The following CSF1 variants were observed in gnomAD, a reference collection of about 807,000 sequenced individuals.
The protein encoded by CSF1 is colony stimulating factor 1.
CSF1 carries 9 observed loss-of-function variants against 48.9 expected under a neutral mutation model. The ratio of observed to expected loss-of-function variants is 0.18; its 90% CI spans 0.11 to 0.32. CSF1 has a LOEUF of 0.32. CSF1 is among the 10% of genes least tolerant of loss of function. CSF1 has a pLI of 1.00. For synonymous variants in CSF1, 305 were observed against 284.1 expected, an observed-to-expected ratio of 1.07 and a Z score of -0.74; for missense variants, 672 against 697.9, an observed-to-expected ratio of 0.96 and a Z score of 0.42.
At position 109,930,160 on chromosome 1, in the gene CSF1, A is replaced by G. The variant is rs1045909850; in HGVS notation, c.*1322A>G. The G allele has an allele frequency of 6.6e-6, 1 of 152,198 alleles. No individual in the cohort carries two copies. Among genetic ancestry groups the G allele is most frequent in the Non-Finnish European group, 1.5e-5 (1 of 68,082 alleles). The allele number at this position is 152,198 out of a possible 1,614,324, so 9.4% of individuals were successfully genotyped here. The stretch of plus-strand genomic sequence containing the variant: ...TGGGCTGCATCTCAGCCCCACCTGC[A>G]TGGTATCCAGCTCCCATCCACTTCT... On this transcript the variant is annotated 3_prime_UTR_variant, in exon 9 of 9. Coordinates refer to ENST00000329608, the MANE Select transcript of CSF1 (RefSeq NM_000757.6).
intron 8 of CSF1, among the ~76,000 whole-genome samples, chr1:109,925,633 C>G (rs573855100): frequency 2.4e-4 from 36 of 152,320 alleles, no homozygotes; most frequent in African/African-American, 7.7e-4. Flanking sequence ...CAGATCGCCA[C>G]CCCCGCACCA....
intron 3 of CSF1, 122 bp downstream of exon 3, chr1:109,915,818 T>G: frequency 1.2e-6 from 1 of 820,630 alleles, no homozygotes; most frequent in Non-Finnish European, 2.1e-6. Flanking sequence ...AGTGTGAGGA[T>G]CCATGGGTGC....
chr1:109,912,480 C>G lies in CSF1; in HGVS notation c.39+1418C>G, dbSNP rs116227994. On this transcript the variant is annotated intron_variant, in intron 1 of 8. Coordinates refer to ENST00000329608, the MANE Select transcript of CSF1 (RefSeq NM_000757.6). ...GATGCAAGCCAGAGTGTTAACCCCC[C>G]ACTGTCTGTCCAGATCCTCCTGAGG... is the stretch of plus-strand genomic sequence containing the variant. 1.2e-4 allele frequency among the ~76,000 whole-genome samples: 18 copies of G among 152,274 alleles called. 1 individual carries two copies. Among genetic ancestry groups the G allele is most frequent in the South Asian group, 6.2e-4 (3 of 4,826 alleles).
intron 1 of CSF1, among the ~76,000 whole-genome samples, chr1:109,914,021 A>G (rs1302048137): frequency 6.6e-6 from 1 of 152,214 alleles, no homozygotes; most frequent in African/African-American, 2.4e-5. Flanking sequence ...GGCTGGCTTA[A>G]TCTGGGAAGG....
chr1:109,921,707 C>A, intron 4 of CSF1, 140 bp from the exon 5 acceptor site: 1 of 1,085,686 alleles, frequency 9.2e-7, no homozygotes, highest in Non-Finnish European at 1.3e-6. Context: ...CATTCTGCTG[C>A]AAACCAGGGG....
chr1:109,925,083 ACGGAGT>A (rs776009922), intron 7 of CSF1, 58 bp from the exon 8 acceptor site: 3 of 1,456,546 alleles, frequency 2.1e-6, no homozygotes, highest in Non-Finnish European at 2.9e-6. Flanking sequence ...GGGTAAACTT[ACGGAGT>A]CCCCTTATTC....
At chr1:109,925,296 C>T in intron 8 of CSF1, 94 bp downstream of exon 8, 5 of 992,644 alleles carry the variant, frequency 5.0e-6, no homozygotes, top group Non-Finnish European at 8.0e-6. Flanking sequence ...CCCTGAGGCC[C>T]CCACACTGAC....
Position 109,914,353 on chromosome 1 carries a change from G to T in CSF1, c.134G>T (p.Ser45Ile). 1.2e-6 allele frequency: 2 copies of T among 1,606,284 alleles called. No individual in the cohort carries two copies. The highest frequency in any genetic ancestry group is 1.7e-6 in the Non-Finnish European group (2 of 1,176,224). ...VSEYCSHMIG[S>I]GHLQSLQRLI... is the part of the protein sequence containing the mutation. ...GAGTACTGTAGCCACATGATTGGGA[G>T]TGGACACCTGCAGTCTCTGCAGCGG... Residue 45 changes from serine (S) to isoleucine (I), a missense_variant, in exon 2 of 9, where the codon AGT becomes ATT. Ser to Ile is a moderately radical substitution (Grantham distance 142). Transcript: ENST00000329608.
intron 5 of CSF1, 150 bp from the exon 6 acceptor site, chr1:109,923,016 T>C: frequency 1.4e-6 from 1 of 690,084 alleles, no homozygotes; most frequent in East Asian, 2.8e-5. Context: ...TCTAGTCCCA[T>C]CCTCTTCTCA....
rs1647787210 is a variant in CSF1, at chr1:109,925,165, C to T, written c.1641C>T (p.Asp547=). 4.3e-6 allele frequency: 7 copies of T among 1,613,858 alleles called. No individual in the cohort carries two copies. The South Asian group carries it at 6.6e-5, about 15-fold the overall frequency. Reference sequence around the variant, plus strand: ...CCTGCAGCCCCCTGACTCAGGATGACAGACAGGTGGAACTGCCAGTGTAGA... The same window carrying T: ...CCTGCAGCCCCCTGACTCAGGATGATAGACAGGTGGAACTGCCAGTGTAGA... ...QPEGSPLTQD[D]RQVELPV The change falls in exon 8 of 9, where the codon GAC becomes GAT. Residue 547 remains aspartate (D), a synonymous_variant. Coordinates refer to ENST00000329608, the MANE Select transcript of CSF1 (RefSeq NM_000757.6).
At chr1:109,919,981 A>T (rs1393691284) in intron 4 of CSF1, among the ~76,000 whole-genome samples, 7 of 149,968 alleles carry the variant, frequency 4.7e-5, no homozygotes, top group Non-Finnish European at 1.0e-4. Flanking sequence ...TAAATAAAAG[A>T]CTGAACCCAG....
intron 1 of CSF1, 63 bp downstream of exon 1, chr1:109,911,125 G>T (rs1277689689): frequency 1.0e-6 from 1 of 952,924 alleles, no homozygotes; most frequent in Non-Finnish European, 1.3e-6. Context: ...CGGCCAGGCG[G>T]CCGGGAGCGG....
At chr1:109,911,795 G>A (rs1654700364) in intron 1 of CSF1, among the ~76,000 whole-genome samples, 1 of 152,218 alleles carries the variant, frequency 6.6e-6, no homozygotes, top group Admixed American at 6.5e-5. Context: ...TGCAGTGCTT[G>A]AGGAAAATGG....
intron 3 of CSF1, 97 bp from the exon 4 acceptor site, chr1:109,917,196 G>GA: frequency 1.5e-6 from 2 of 1,323,638 alleles, no homozygotes; most frequent in African/African-American, 2.9e-5. Context: ...TCCCCTGGGG[G>GA]AAGGGGGAGA....
chr1:109,923,391 C>T lies in CSF1; in HGVS notation c.770C>T (p.Thr257Ile). 3 of 1,613,766 alleles carry T rather than the reference C, an allele frequency of 1.9e-6. No homozygotes were observed. Among genetic ancestry groups the T allele is most frequent in the East Asian group, 2.2e-5 (1 of 44,852 alleles). ...GSAKQRPPRS[T>I]CQSFEPPETP... ...GCCAAGCAGCGGCCACCCAGGAGCA[C>T]CTGCCAGAGCTTTGAGCCGCCAGAG... Residue 257 changes from threonine to isoleucine, a missense_variant, in exon 6 of 9, where the codon ACC becomes ATC. By Grantham distance (89) the Thr-to-Ile change is moderately conservative. Transcript: ENST00000329608.
intron 2 of CSF1, among the ~76,000 whole-genome samples, chr1:109,915,320 T>G (rs552009533): frequency 6.6e-6 from 1 of 152,310 alleles, no homozygotes; most frequent in African/African-American, 2.4e-5. Flanking sequence ...GACAGGGTGC[T>G]CACTGCCTCC....
At position 109,922,159 on chromosome 1, in the gene CSF1, G is replaced by C. The variant is rs878976230; in HGVS notation, c.544+165G>C. On this transcript the variant is annotated intron_variant, in intron 5 of 8. Transcript: ENST00000329608. Reference sequence around the variant, plus strand: ...GTTCTGTGTATATATGTGGCTTCACGTACCTCTGGTCCTGGGCACATGTCT... The same window carrying C: ...GTTCTGTGTATATATGTGGCTTCACCTACCTCTGGTCCTGGGCACATGTCT... Among the ~76,000 whole-genome samples, 3 of 152,326 alleles carry C rather than the reference G, an allele frequency of 2.0e-5. No individual in the cohort carries two copies. In the South Asian group the frequency reaches 6.2e-4, roughly 32 times the overall value.
At chr1:109,916,999 G>A (rs550167673) in intron 3 of CSF1, among the ~76,000 whole-genome samples, 1 of 152,272 alleles carries the variant, frequency 6.6e-6, no homozygotes, top group South Asian at 2.1e-4. Flanking sequence ...GTTCCCTGGA[G>A]CCCACCTTCC....
At chr1:109,928,008 G>A (rs1302427897) in intron 8 of CSF1, among the ~76,000 whole-genome samples, 2 of 152,196 alleles carry the variant, frequency 1.3e-5, no homozygotes, top group Non-Finnish European at 2.9e-5. Context: ...GGAATGGGCA[G>A]GGAGCCAGAG....
Sources: allele counts gnomAD v4.1 joint callset (sites outside exome capture counted in the v4.1 genomes callset), GRCh38; gene constraint gnomAD v4.1.1; transcripts MANE v1.5; gene names NCBI Gene and HGNC (gene_info 2026-07-23, HGNC 2026-07-21).